GLYCTK: variants seen among roughly 807,000 people sequenced by gnomAD.
GLYCTK encodes the protein glycerate kinase, also known as HBeAg binding protein 4.
A neutral mutation model predicts 24.8 loss-of-function variants in GLYCTK; 22 were observed. The observed-to-expected ratio is 0.89, with a 90% CI of 0.63 to 1.27. GLYCTK has a LOEUF of 1.27. Ranked by LOEUF, GLYCTK falls within the 50% of genes most tolerant of loss-of-function variation. The pLI, the probability that GLYCTK is intolerant of heterozygous loss-of-function variation, is 0.00. For synonymous variants in GLYCTK, 320 were observed against 297.2 expected (o/e 1.08, Z -0.79); for missense variants, 684 against 686.7 (o/e 1.00, Z 0.04).
At position 52,290,733 on chromosome 3, in the gene GLYCTK, G is replaced by A. The variant is rs1578026028; in HGVS notation, c.377+14G>A. The A allele has an allele frequency of 1.2e-6, 2 of 1,607,960 alleles. No homozygotes were observed. The highest frequency in any genetic ancestry group is 1.3e-5 in the African/African-American group (1 of 74,930). ...TGCCGGCAAGCAGTAAGGAGCCATGGGGGCCTGCCTCCCTCTATCTATCTG... is the reference window on the plus strand; with the variant it reads ...TGCCGGCAAGCAGTAAGGAGCCATGAGGGCCTGCCTCCCTCTATCTATCTG... On this transcript the variant is annotated intron_variant, in intron 2 of 4. Coordinates refer to ENST00000436784, the MANE Select transcript of GLYCTK (RefSeq NM_145262.4).
In GLYCTK at chr3:52,295,185, G is replaced by A. The variant is rs1025896221; in HGVS notation, c.*2059G>A. The A allele has an allele frequency of 6.8e-5, 31 of 453,948 alleles. No individual in the cohort carries two copies. Among genetic ancestry groups the A allele is most frequent in the Middle Eastern group, 6.8e-4 (1 of 1,466 alleles). 28.1% of individuals were successfully genotyped at this position (453,948 alleles called of 1,614,324 possible). A position where few individuals can be genotyped will look rare whatever the true frequency, so the allele number is the denominator to read the frequency against. ...GGCCACAGTCTAAATGCTGAGATGA[G>A]AAAACCCTGCACAGTGAATGTTTTG... On this transcript the variant is annotated 3_prime_UTR_variant, in exon 5 of 5. Coordinates refer to ENST00000436784, the MANE Select transcript of GLYCTK (RefSeq NM_145262.4).
intron 1 of GLYCTK, among the ~76,000 whole-genome samples, chr3:52,289,520 G>A (rs1292837700): frequency 6.6e-6 from 1 of 152,232 alleles, no homozygotes; most frequent in Non-Finnish European, 1.5e-5. Flanking sequence ...CCAACTGTGT[G>A]GGTAGAAGGG....
rs779193636 is a variant in GLYCTK at position 52,290,592 on chromosome 3, G to A, written c.250G>A (p.Val84Met). 1.2e-6 allele frequency: 2 copies of A among 1,613,966 alleles called. No individual in the cohort carries two copies. Among genetic ancestry groups the A allele is most frequent in the Non-Finnish European group, 8.5e-7 (1 of 1,180,026 alleles). Reference protein sequence around the residue: ...NFQLRQNLYLVGFGKAVLGMA... With the variant: ...NFQLRQNLYLMGFGKAVLGMA... ...TCAGCTGAGGCAAAACCTCTACCTG[G>A]TGGGCTTTGGCAAGGCTGTGCTGGG... The change falls in exon 2 of 5, where the codon GTG (valine) becomes ATG (methionine). Residue 84 changes from valine to methionine, a missense_variant. Transcript: ENST00000436784.
At chr3:52,288,357 C>T (rs1700354025) in intron 1 of GLYCTK, among the ~76,000 whole-genome samples, 1 of 152,044 alleles carries the variant, frequency 6.6e-6, no homozygotes, top group African/African-American at 2.4e-5. Context: ...GGATTACGGG[C>T]GCCCACCACA....
rs1424527742 is a variant in GLYCTK, at chr3:52,293,155, A to G, written c.*29A>G. On this transcript the variant is annotated 3_prime_UTR_variant, in exon 5 of 5. Transcript: ENST00000436784. ...CATAGGTCACATTTTGGGAGTTCAG[A>G]GGAGGCCTACAAGGGCAAGGTCAGA... The G allele has an allele frequency of 6.2e-7, 1 of 1,611,860 alleles. No homozygotes were observed. The highest frequency in any genetic ancestry group is 8.5e-7 in the Non-Finnish European group (1 of 1,179,902).
chr3:52,291,632 CA>C, intron 3 of GLYCTK, 114 bp from the exon 4 acceptor site: 1 of 969,174 alleles, frequency 1.0e-6, no homozygotes, highest in Non-Finnish European at 1.6e-6. Context: ...CACAGGGGGG[CA>C]CCCTAACCCC....
rs1559469597 is a variant in GLYCTK, at chr3:52,295,042, T to C, written c.*1916T>C. The C allele has an allele frequency of 2.2e-6, 1 of 454,046 alleles. No individual in the cohort carries two copies. Among genetic ancestry groups the C allele is most frequent in the South Asian group, 1.6e-5 (1 of 64,474 alleles). 28.1% of individuals were successfully genotyped at this position (454,046 alleles called of 1,614,324 possible). On this transcript the variant is annotated 3_prime_UTR_variant, in exon 5 of 5. Transcript: ENST00000436784. ...TACATTGACCCCTTCCCTATACTTC[T>C]GTTTGTAGGGGCTGGGAGGCCAGGG...
At position 52,294,088 on chromosome 3, in the gene GLYCTK, G is replaced by T. The variant is rs753019225; in HGVS notation, c.*962G>T. ...CACACCTCTTCCTGTGACCACTGGCGGGAGAAGAGGCAAGTGGGAATAGAG... is the reference window on the plus strand; with the variant it reads ...CACACCTCTTCCTGTGACCACTGGCTGGAGAAGAGGCAAGTGGGAATAGAG... On this transcript the variant is annotated 3_prime_UTR_variant, in exon 5 of 5. Coordinates refer to ENST00000436784, the MANE Select transcript of GLYCTK (RefSeq NM_145262.4). The T allele has an allele frequency of 1.9e-6, 1 of 515,108 alleles. No homozygotes were observed. The allele number at this position is 515,108 out of a possible 1,614,324, so 31.9% of individuals were successfully genotyped here. A position where few individuals can be genotyped will look rare whatever the true frequency, so the allele number is the denominator to read the frequency against.
Position 52,292,316 on chromosome 3 carries a change from T to C in GLYCTK, c.762T>C (p.Ser254=), listed in dbSNP as rs149659042. The change falls in exon 5 of 5, where the codon AGT becomes AGC. Residue 254 remains serine, a synonymous_variant. Transcript: ENST00000436784. The part of the protein sequence containing the change: ...VVGDPVEVIA[S]GPTVASSHNV... ...GGGACCCTGTGGAGGTGATTGCCAG[T>C]GGCCCCACCGTGGCCAGTTCCCACA... The C allele has an allele frequency of 3.0e-5, 48 of 1,613,924 alleles. No individual in the cohort carries two copies. In the African/African-American group the frequency reaches 5.1e-4, roughly 17 times the overall value.
Position 52,292,533 on chromosome 3 carries a change from G to C in GLYCTK, c.979G>C (p.Gly327Arg). The C allele has an allele frequency of 6.2e-7, 1 of 1,613,908 alleles. No homozygotes were observed. The highest frequency in any genetic ancestry group is 8.5e-7 in the Non-Finnish European group (1 of 1,180,016). ...AEAQRQAEALGYQAVVLSAAM... is the reference protein window; with the variant it reads ...AEAQRQAEALRYQAVVLSAAM... ...GGCCCAGCGGCAGGCCGAGGCACTGGGCTACCAGGCTGTGGTGCTGAGTGC... is the reference window on the plus strand; with the variant it reads ...GGCCCAGCGGCAGGCCGAGGCACTGCGCTACCAGGCTGTGGTGCTGAGTGC... Residue 327 changes from glycine (G) to arginine (R), a missense_variant, in exon 5 of 5, where the codon GGC becomes CGC. Coordinates refer to ENST00000436784, the MANE Select transcript of GLYCTK (RefSeq NM_145262.4).
intron 1 of GLYCTK, among the ~76,000 whole-genome samples, chr3:52,288,301 C>A (rs1700352150): frequency 1.3e-5 from 2 of 152,196 alleles, no homozygotes. Flanking sequence ...CAACCTCCGC[C>A]TCCCCTGTTC....
intron 1 of GLYCTK, chr3:52,288,688 C>T (rs1401897615): frequency 3.9e-5 from 6 of 152,182 alleles, no homozygotes; most frequent in African/African-American, 1.2e-4. Flanking sequence ...TGCTCATACC[C>T]AGTGGCAAGG....
chr3:52,290,832 T>A, intron 2 of GLYCTK, 113 bp downstream of exon 2: 1 of 1,579,720 alleles, frequency 6.3e-7, no homozygotes, highest in East Asian at 2.3e-5. Context: ...CTCCTGGATC[T>A]GGCCTGGCCC....
At chr3:52,291,646 C>T in intron 3 of GLYCTK, 101 bp from the exon 4 acceptor site, 1 of 1,175,270 alleles carries the variant, frequency 8.5e-7, no homozygotes, top group South Asian at 1.3e-5. Flanking sequence ...CTAACCCCAC[C>T]TTTCCAGCCC....
At position 52,292,281 on chromosome 3, in the gene GLYCTK, G is replaced by C. The variant is rs1158709615; in HGVS notation, c.727G>C (p.Asp243His). Residue 243 changes from aspartate to histidine, a missense_variant, in exon 5 of 5, where the codon GAT becomes CAT. Asp to His is a moderately conservative substitution (Grantham distance 81). Coordinates refer to ENST00000436784, the MANE Select transcript of GLYCTK (RefSeq NM_145262.4). ...CCAGGTGGTGAGCCTCATCCTGTCA[G>C]ATGTGGTGGGGGACCCTGTGGAGGT... ...PAQVVSLILS[D>H]VVGDPVEVIA... 3 of 1,613,882 alleles carry C rather than the reference G, an allele frequency of 1.9e-6. No homozygotes were observed. The highest frequency in any genetic ancestry group is 2.7e-5 in the African/African-American group (2 of 74,918).
Position 52,291,022 on chromosome 3 carries a change from C to T in GLYCTK, c.440C>T (p.Pro147Leu), listed in dbSNP as rs780456500. ...QVFEGAEDNLPDRDALRAALA... is the reference protein window; with the variant it reads ...QVFEGAEDNLLDRDALRAALA... ...TTCGAGGGTGCGGAGGACAACCTCC[C>T]GGACCGCGATGCGCTGCGGGCTGCA... Residue 147 changes from proline to leucine, a missense_variant, in exon 3 of 5, where the codon CCG becomes CTG. Pro to Leu is a moderately conservative substitution (Grantham distance 98). Transcript: ENST00000436784. 6.2e-6 allele frequency: 10 copies of T among 1,613,926 alleles called. No homozygotes were observed. Among genetic ancestry groups the T allele is most frequent in the Middle Eastern group, 1.6e-4 (1 of 6,062 alleles).
In GLYCTK at chr3:52,293,782, A is replaced by C. The variant is rs908506986; in HGVS notation, c.*656A>C. On this transcript the variant is annotated 3_prime_UTR_variant, in exon 5 of 5. Transcript: ENST00000436784. ...CACCCAACCATGACTCCACCATGGC[A>C]CTGTCACCATGGCTTCTCCAGCCTC... is the stretch of plus-strand genomic sequence containing the variant. The C allele has an allele frequency of 4.4e-6, 2 of 453,766 alleles. No individual in the cohort carries two copies. Among genetic ancestry groups the C allele is most frequent in the Admixed American group, 2.4e-5 (1 of 42,546 alleles). The allele number at this position is 453,766 out of a possible 1,614,324, so 28.1% of individuals were successfully genotyped here.
Position 52,293,375 on chromosome 3 carries a change from T to A in GLYCTK, c.*249T>A, listed in dbSNP as rs763738933. ...GACAAGCCCCTCGGCCAGTTCAGCG[T>A]TCCCGTGCTTCTCCCTTGGGCAGCC... On this transcript the variant is annotated 3_prime_UTR_variant, in exon 5 of 5. Coordinates refer to ENST00000436784, the MANE Select transcript of GLYCTK (RefSeq NM_145262.4). The A allele has an allele frequency of 1.0e-5, 7 of 684,396 alleles. No individual in the cohort carries two copies. The South Asian group carries it at 1.1e-4, about 10-fold the overall frequency. 42.4% of individuals were successfully genotyped at this position (684,396 alleles called of 1,614,324 possible).
In GLYCTK at chr3:52,291,770, G is replaced by GC. The variant is rs1361306627; in HGVS notation, c.558dup (p.Ile187HisfsTer14). Reference sequence around the variant, plus strand: ...AGGTGGGGGTTCAGCTCTGCTGCCTGCCCCCATCCCACCTGTCACACTGGA... The same window carrying GC: ...AGGTGGGGGTTCAGCTCTGCTGCCTGCCCCCCATCCCACCTGTCACACTGGA... On this transcript the variant is annotated frameshift_variant, in exon 4 of 5. Transcript: ENST00000436784. LOFTEE classifies it high-confidence loss of function. The GC allele has an allele frequency of 2.5e-6, 4 of 1,613,490 alleles. No homozygotes were observed. The African/African-American group carries it at 5.3e-5, about 22-fold the overall frequency.
Sources: gnomAD v4.1 joint callset for allele counts (sites outside exome capture counted in the v4.1 genomes callset) on GRCh38, gnomAD v4.1.1 for gene constraint, MANE v1.5 for transcripts, NCBI Gene and HGNC (gene_info 2026-07-23, HGNC 2026-07-21) for gene names.